The following EYA2 variants were observed in gnomAD, a reference collection of about 807,000 sequenced individuals.
EYA2 encodes protein phosphatase EYA2.
In EYA2, 31 loss-of-function variants were observed where a neutral mutation model predicts 69.2. The observed-to-expected ratio is 0.45, with a 90% CI of 0.34 to 0.60. The LOEUF (loss-of-function observed/expected upper bound fraction) is 0.60, where lower values mean the gene tolerates loss of function less well. EYA2 is among the 20% of genes least tolerant of loss of function. The pLI is 0.02. For synonymous variants in EYA2, 257 were observed against 279.4 expected (o/e 0.92, Z 0.80); for missense variants, 622 against 701.2 (o/e 0.89, Z 1.28).
intron 1 of EYA2, among the ~76,000 whole-genome samples, chr20:46,939,415 AAG>A (rs1379331329): frequency 6.6e-6 from 1 of 151,892 alleles, no homozygotes; most frequent in Admixed American, 6.6e-5. Flanking sequence ...AGGGGAGACA[AAG>A]AGAGATAATG....
intron 9 of EYA2, among the ~76,000 whole-genome samples, chr20:47,123,981 C>CAAA (rs369234559): frequency 7.9e-6 from 1 of 126,996 alleles, no homozygotes. Context: ...GATTCCATCT[C>CAAA]AAAAAAAAAA....
intron 1 of EYA2, among the ~76,000 whole-genome samples, chr20:46,914,992 A>G (rs918940071): frequency 1.3e-5 from 2 of 152,140 alleles, no homozygotes; most frequent in African/African-American, 4.8e-5. Flanking sequence ...AGAGCTTTGC[A>G]GTTTGGCCTT....
intron 2 of EYA2, among the ~76,000 whole-genome samples, chr20:46,996,575 A>G (rs183301858): frequency 1.3e-3 from 201 of 152,304 alleles, no homozygotes; most frequent in Non-Finnish European, 2.3e-3. Context: ...AATTGCAGTT[A>G]AGTACTCATT....
chr20:47,061,723 C>T (rs1400623009), intron 5 of EYA2, among the ~76,000 whole-genome samples: 1 of 152,212 alleles, frequency 6.6e-6, no homozygotes, highest in Non-Finnish European at 1.5e-5. Flanking sequence ...CATCCAAGCA[C>T]ATGATCCTAC....
intron 1 of EYA2, among the ~76,000 whole-genome samples, chr20:46,938,298 G>A (rs1037401358): frequency 2.0e-5 from 3 of 152,090 alleles, no homozygotes; most frequent in African/African-American, 4.8e-5. Flanking sequence ...GAAACCATGA[G>A]AGTTACTTGC....
intron 10 of EYA2, among the ~76,000 whole-genome samples, chr20:47,157,963 C>G (rs1445398610): frequency 1.3e-5 from 2 of 151,984 alleles, no homozygotes; most frequent in East Asian, 2.0e-4. Flanking sequence ...ACTGGAGTTA[C>G]AGCGCATATG....
chr20:47,141,214 T>A (rs893536524), intron 9 of EYA2, among the ~76,000 whole-genome samples: 1 of 152,232 alleles, frequency 6.6e-6, no homozygotes, highest in South Asian at 2.1e-4. Flanking sequence ...AGAAAGCACT[T>A]CATAGATATT....
intron 6 of EYA2, among the ~76,000 whole-genome samples, chr20:47,072,626 C>T (rs1389900683): frequency 6.6e-6 from 1 of 152,136 alleles, no homozygotes; most frequent in Non-Finnish European, 1.5e-5. Context: ...CTCTGCATCC[C>T]CAGTGGTGAG....
intron 1 of EYA2, among the ~76,000 whole-genome samples, chr20:46,955,484 T>C (rs1979065643): frequency 6.6e-6 from 1 of 152,256 alleles, no homozygotes; most frequent in African/African-American, 2.4e-5. Flanking sequence ...TTTTTTGGTT[T>C]CATTTTTAAT....
At chr20:47,102,501 A>G (rs1429548476) in intron 9 of EYA2, among the ~76,000 whole-genome samples, 1 of 152,264 alleles carries the variant, frequency 6.6e-6, no homozygotes, top group Admixed American at 6.5e-5. Context: ...TGTGGCCATC[A>G]TGCTGCATAC....
At chr20:46,912,749 G>T (rs528604295) in intron 1 of EYA2, among the ~76,000 whole-genome samples, 15 of 149,002 alleles carry the variant, frequency 1.0e-4, no homozygotes, top group African/African-American at 2.5e-4. Context: ...GCCGGACTGC[G>T]GACTGCAGTG....
At chr20:46,992,068 G>A (rs144261650) in intron 2 of EYA2, among the ~76,000 whole-genome samples, 1 of 151,432 alleles carries the variant, frequency 6.6e-6, no homozygotes, top group Non-Finnish European at 1.5e-5. Context: ...CTGTCCTGTA[G>A]ATGAATCCCC....
chr20:47,106,071 A>G (rs1032839977), intron 9 of EYA2, among the ~76,000 whole-genome samples: 2 of 152,154 alleles, frequency 1.3e-5, no homozygotes, highest in East Asian at 1.9e-4. Flanking sequence ...GCTTTAATAT[A>G]TAGTCATCTT....
chr20:47,070,972 C>T (rs918001901), intron 5 of EYA2, among the ~76,000 whole-genome samples: 75 of 152,242 alleles, frequency 4.9e-4, no homozygotes, highest in African/African-American at 1.6e-3. Context: ...CCTCAGCCTC[C>T]CAAGTAGCTG....
At chr20:47,041,978 T>C (rs907474457) in intron 5 of EYA2, among the ~76,000 whole-genome samples, 1 of 151,960 alleles carries the variant, frequency 6.6e-6, no homozygotes, top group Non-Finnish European at 1.5e-5. Context: ...TCACTAAAAA[T>C]AAAATTATAA....
chr20:46,969,420 G>A (rs1383445146), intron 1 of EYA2, among the ~76,000 whole-genome samples: 2 of 152,254 alleles, frequency 1.3e-5, no homozygotes, highest in African/African-American at 4.8e-5. Context: ...CACATAGTAG[G>A]TTCTCTGTAG....
At chr20:46,935,638 A>G (rs529620787) in intron 1 of EYA2, among the ~76,000 whole-genome samples, 1 of 152,028 alleles carries the variant, frequency 6.6e-6, no homozygotes, top group Non-Finnish European at 1.5e-5. Flanking sequence ...TGGACTCCTC[A>G]TGGGAAAAAA....
rs1206909868 is a variant in EYA2, at chr20:47,172,709, C to T, written c.1040C>T (p.Thr347Ile). ...TCCCTCCCCTCCTCTCTCCGCAGCA[C>T]ATACAACTTCTCCGCTGACGGCTTC... ...SSDDNGQDLSTYNFSADGFHS... is the reference protein window; with the variant it reads ...SSDDNGQDLSIYNFSADGFHS... The change falls in exon 12 of 16, where the codon ACA becomes ATA. Residue 347 changes from threonine (T) to isoleucine (I), a missense_variant and splice_region_variant. Coordinates refer to ENST00000327619, the MANE Select transcript of EYA2 (RefSeq NM_005244.5). 1 of 1,611,170 alleles carries T rather than the reference C, an allele frequency of 6.2e-7. No homozygotes were observed. The highest frequency in any genetic ancestry group is 8.5e-7 in the Non-Finnish European group (1 of 1,178,746).
chr20:47,128,529 G>GAAA (rs559492759), intron 9 of EYA2, among the ~76,000 whole-genome samples: 1 of 142,288 alleles, frequency 7.0e-6, no homozygotes. Context: ...AGGCATTTAC[G>GAAA]AAAAAAAAAA....
Sources: allele counts gnomAD v4.1 joint callset (sites outside exome capture counted in the v4.1 genomes callset), GRCh38; gene constraint gnomAD v4.1.1; transcripts MANE v1.5; gene names NCBI Gene and HGNC (gene_info 2026-07-23, HGNC 2026-07-21).